Variants in ERC1 observed in about 807,000 individuals in gnomAD.
ERC1 encodes the protein ELKS/RAB6-interacting/CAST family member 1.
In ERC1, 56 loss-of-function variants were observed where a neutral mutation model predicts 132.0. That is an observed-to-expected ratio of 0.42 (90% CI 0.34 to 0.53). The LOEUF (loss-of-function observed/expected upper bound fraction) is 0.53. Among genes scored for constraint, ERC1 ranks in the 20% least tolerant of loss-of-function variants. The pLI is 0.03. For missense variants in ERC1, 1,202 were observed against 1,349.9 expected (o/e 0.89, Z 1.72); for synonymous variants, 478 against 476.1 (o/e 1.00, Z -0.05).
intron 12 of ERC1, among the ~76,000 whole-genome samples, chr12:1,210,069 A>G (rs1012257810): frequency 4.6e-5 from 7 of 152,206 alleles, no homozygotes; most frequent in Admixed American, 4.6e-4. Context: ...AAATGTATAA[A>G]AGCATATTGA....
At chr12:1,374,824 A>ATTTTTTTTTTTT (rs5795968) in intron 16 of ERC1, among the ~76,000 whole-genome samples, 7 of 124,582 alleles carry the variant, frequency 5.6e-5, no homozygotes, top group African/African-American at 5.9e-5. Context: ...ACAGGCTGGG[A>ATTTTTTTTTTTT]TTTTTTTTTT....
At chr12:1,462,188 A>T (rs1193013012) in intron 18 of ERC1, among the ~76,000 whole-genome samples, 1 of 152,242 alleles carries the variant, frequency 6.6e-6, no homozygotes, top group Non-Finnish European at 1.5e-5. Flanking sequence ...CAAAACTGAC[A>T]GTACCAAATG....
At chr12:1,303,277 G>T (rs1002477871) in intron 15 of ERC1, among the ~76,000 whole-genome samples, 13 of 152,188 alleles carry the variant, frequency 8.5e-5, no homozygotes, top group African/African-American at 2.2e-4. Flanking sequence ...ATGGGATGCT[G>T]TTTGATAAGC....
chr12:1,394,382 A>G (rs1192043345), intron 16 of ERC1, among the ~76,000 whole-genome samples: 1 of 152,256 alleles, frequency 6.6e-6, no homozygotes, highest in Non-Finnish European at 1.5e-5. Context: ...CCTGGGTGAC[A>G]GAGCAAGACT....
In ERC1 at chr12:1,046,968, A is replaced by G. The variant is rs117909852; in HGVS notation, c.669+18396A>G. Reference sequence around the variant, plus strand: ...GAAAAGAGGAAAGTAGCCTTATTCTATAGTTGCCTGAAGTGTTATCACTGA... The same window carrying G: ...GAAAAGAGGAAAGTAGCCTTATTCTGTAGTTGCCTGAAGTGTTATCACTGA... On this transcript the variant is annotated intron_variant, in intron 2 of 18. Coordinates refer to ENST00000360905, the MANE Select transcript of ERC1 (RefSeq NM_178040.4). Among the ~76,000 whole-genome samples the G allele has an allele frequency of 1.5e-3, 230 of 152,348 alleles. 1 individual carries two copies. Among genetic ancestry groups the G allele is most frequent in the Non-Finnish European group, 2.8e-3 (191 of 68,032 alleles).
intron 2 of ERC1, among the ~76,000 whole-genome samples, chr12:1,069,932 C>T (rs898830770): frequency 2.6e-5 from 4 of 152,186 alleles, no homozygotes; most frequent in East Asian, 1.9e-4. Flanking sequence ...TGAATGAAAT[C>T]GAGCTACATG....
At chr12:1,151,228 G>A (rs1023829820) in intron 8 of ERC1, among the ~76,000 whole-genome samples, 1 of 152,206 alleles carries the variant, frequency 6.6e-6, no homozygotes, top group Non-Finnish European at 1.5e-5. Flanking sequence ...TCAAAGCTTG[G>A]TGGACCCAAA....
intron 18 of ERC1, among the ~76,000 whole-genome samples, chr12:1,446,160 C>A (rs1259116323): frequency 2.0e-5 from 3 of 152,036 alleles, no homozygotes; most frequent in African/African-American, 7.2e-5. Context: ...TTGTAAAAAT[C>A]CAGTGATTCT....
intron 18 of ERC1, among the ~76,000 whole-genome samples, chr12:1,464,493 A>C (rs940871162): frequency 6.7e-6 from 1 of 148,878 alleles, no homozygotes; most frequent in African/African-American, 2.5e-5. Flanking sequence ...TCAGCTTTGC[A>C]GCAAAGAATG....
At chr12:1,069,525 A>G (rs1450272959) in intron 2 of ERC1, among the ~76,000 whole-genome samples, 1 of 152,198 alleles carries the variant, frequency 6.6e-6, no homozygotes, top group African/African-American at 2.4e-5. Flanking sequence ...GTGAATAAGT[A>G]CAAAAATACT....
At chr12:1,390,383 CTA>C (rs2089846153) in intron 16 of ERC1, among the ~76,000 whole-genome samples, 1 of 151,906 alleles carries the variant, frequency 6.6e-6, no homozygotes, top group South Asian at 2.1e-4. Flanking sequence ...TACCAACTGT[CTA>C]TTAATATTGA....
Position 1,476,870 on chromosome 12 carries a change from G to A in ERC1, c.3214-13223G>A, listed in dbSNP as rs549105934. Reference sequence around the variant, plus strand: ...GAGAACAAACTAAATGTCTATTGGAGTTAAATAAATTACAATATATTAATA... The same window carrying A: ...GAGAACAAACTAAATGTCTATTGGAATTAAATAAATTACAATATATTAATA... On this transcript the variant is annotated intron_variant, in intron 18 of 18. Coordinates refer to ENST00000360905, the MANE Select transcript of ERC1 (RefSeq NM_178040.4). Among the ~76,000 whole-genome samples the A allele has an allele frequency of 1.2e-4, 18 of 152,232 alleles. No individual in the cohort carries two copies. In the South Asian group the frequency reaches 3.3e-3, roughly 28 times the overall value.
chr12:1,287,321 T>C (rs2079101279), intron 14 of ERC1, among the ~76,000 whole-genome samples: 1 of 152,208 alleles, frequency 6.6e-6, no homozygotes, highest in Non-Finnish European at 1.5e-5. Flanking sequence ...CAATCAGATA[T>C]TGTATAACGA....
In ERC1 at chr12:1,243,904, C is replaced by A. The variant is rs142063531; in HGVS notation, c.2487+7000C>A. Reference sequence around the variant, plus strand: ...AGTTTTCATGAATAGCTTTGGAAACCTAATACGTATGGCCATATTTATATT... The same window carrying A: ...AGTTTTCATGAATAGCTTTGGAAACATAATACGTATGGCCATATTTATATT... On this transcript the variant is annotated intron_variant, in intron 13 of 18. Transcript: ENST00000360905. Among the ~76,000 whole-genome samples the A allele has an allele frequency of 1.5e-3, 224 of 152,240 alleles. 1 individual carries two copies. The highest frequency in any genetic ancestry group is 5.1e-3 in the African/African-American group (212 of 41,526).
chr12:1,302,918 G>GC (rs1318695664), intron 15 of ERC1, among the ~76,000 whole-genome samples: 1 of 152,122 alleles, frequency 6.6e-6, no homozygotes, highest in Non-Finnish European at 1.5e-5. Flanking sequence ...AGCTGTAATC[G>GC]CATCACTGCA....
chr12:1,310,219 A>ATTTTGTTTTGTTTTGTTTTG (rs2081203315), intron 15 of ERC1, among the ~76,000 whole-genome samples: 5 of 144,756 alleles, frequency 3.5e-5, no homozygotes, highest in South Asian at 4.4e-4. Context: ...TTTTTATTTT[A>ATTTTGTTTTGTTTTGTTTTG]TTTTATTTTA....
At chr12:1,287,156 G>A (rs184911980) in intron 14 of ERC1, among the ~76,000 whole-genome samples, 1 of 152,304 alleles carries the variant, frequency 6.6e-6, no homozygotes, top group Admixed American at 6.5e-5. Flanking sequence ...GGTTAAGATA[G>A]AATAGATTTT....
chr12:1,323,429 A>G (rs1483811157), intron 15 of ERC1, among the ~76,000 whole-genome samples: 1 of 152,184 alleles, frequency 6.6e-6, no homozygotes. Flanking sequence ...TTCTGTACAC[A>G]TGTGGTATCT....
intron 15 of ERC1, among the ~76,000 whole-genome samples, chr12:1,296,602 G>A (rs1040064579): frequency 3.3e-5 from 5 of 151,842 alleles, no homozygotes; most frequent in African/African-American, 4.8e-5. Context: ...TAGTAGAGGC[G>A]AGGTTTTTCC....
Sources: allele counts gnomAD v4.1 joint callset (sites outside exome capture counted in the v4.1 genomes callset), GRCh38; gene constraint gnomAD v4.1.1; transcripts MANE v1.5; gene names NCBI Gene and HGNC (gene_info 2026-07-23, HGNC 2026-07-21).